The following HS1BP3 variants were observed in gnomAD, a reference collection of about 807,000 sequenced individuals.
The protein encoded by HS1BP3 is HCLS1 binding protein 3, also known as HCLS1-binding protein 3.
HS1BP3 carries 32 observed loss-of-function variants against 33.5 expected under a neutral mutation model. The observed-to-expected ratio is 0.95, with a 90% confidence interval of 0.72 to 1.28. The LOEUF is 1.28. HS1BP3 is among the 50% of genes most tolerant of loss of function. The probability of loss-of-function intolerance (pLI) is 0.00; values close to 1 mark genes in which losing one functional copy is unlikely to be tolerated. For synonymous variants in HS1BP3, 187 were observed against 209.2 expected (o/e 0.89, Z 0.92); for missense variants, 486 against 502.3 (o/e 0.97, Z 0.31).
intron 2 of HS1BP3, 95 bp from the exon 3 acceptor site, chr2:20,641,275 A>C (rs913980108): frequency 1.6e-5 from 19 of 1,163,230 alleles, no homozygotes; most frequent in Non-Finnish European, 2.2e-5. Context: ...CCAGCAGCCA[A>C]AGGAAGTGTG....
At chr2:20,649,225 C>T (rs1055878753) in intron 1 of HS1BP3, among the ~76,000 whole-genome samples, 6 of 152,208 alleles carry the variant, frequency 3.9e-5, no homozygotes, top group Non-Finnish European at 7.3e-5. Flanking sequence ...GCCTCTTCAC[C>T]GCATCACCTA....
In HS1BP3 at chr2:20,624,813, C is replaced by T. The variant is rs1440515078; in HGVS notation, c.703G>A (p.Val235Met). 1.2e-6 allele frequency: 2 copies of T among 1,613,744 alleles called. No individual in the cohort carries two copies. The highest frequency in any genetic ancestry group is 1.3e-5 in the African/African-American group (1 of 74,938). ...CCAAAGAGCCCCTCATCAGGGTCCA[C>T]CTCCTCGTCAAAGATGGTGAGCCGG... ...SPRLTIFDEE[V>M]DPDEGLFGPG... The change falls in exon 5 of 7, where the codon GTG becomes ATG. Residue 235 changes from valine (V) to methionine (M), a missense_variant. Coordinates refer to ENST00000304031, the MANE Select transcript of HS1BP3 (RefSeq NM_022460.4).
intron 1 of HS1BP3, among the ~76,000 whole-genome samples, chr2:20,647,613 G>A (rs1558353708): frequency 6.6e-6 from 1 of 152,106 alleles, no homozygotes; most frequent in Admixed American, 6.5e-5. Context: ...TAAGCCCTCC[G>A]ACGAGTCTGA....
chr2:20,567,863 A>T (rs1266366362), intron 5 of HS1BP3, among the ~76,000 whole-genome samples: 1 of 152,182 alleles, frequency 6.6e-6, no homozygotes, highest in Non-Finnish European at 1.5e-5. Flanking sequence ...AAGAAAGAGG[A>T]GATGAGTTCC....
chr2:20,590,306 C>T (rs1298006535), downstream of HS1BP3, among the ~76,000 whole-genome samples: 1 of 152,202 alleles, frequency 6.6e-6, no homozygotes, highest in African/African-American at 2.4e-5. Context: ...CACCTCTACC[C>T]AGCCTTCCAG....
downstream of HS1BP3, among the ~76,000 whole-genome samples, chr2:20,588,335 C>T (rs186030056): frequency 1.4e-4 from 22 of 152,192 alleles, no homozygotes; most frequent in South Asian, 2.5e-3. Flanking sequence ...TATTCCAAGC[C>T]GATTGTTTGC....
downstream of HS1BP3, among the ~76,000 whole-genome samples, chr2:20,615,767 T>C (rs1694410855): frequency 6.6e-6 from 1 of 152,228 alleles, no homozygotes; most frequent in African/African-American, 2.4e-5. Context: ...CGCTGGACAA[T>C]AAGGCCACAG....
chr2:20,575,557 C>T (rs11897611), intron 5 of HS1BP3, among the ~76,000 whole-genome samples: 102,239 of 152,190 alleles, frequency 0.67, 39,473 homozygotes, highest in East Asian at 0.85. Flanking sequence ...GTAGTAAGTC[C>T]CTCTTGCAGC....
chr2:20,622,643 A>C (rs753184630), intron 6 of HS1BP3: 7 of 263,370 alleles, frequency 2.7e-5, no homozygotes, highest in African/African-American at 4.4e-5. Context: ...ATTTAGAATA[A>C]ACTAGGCCAG....
At chr2:20,558,283 C>T (rs554287828), downstream of HS1BP3, among the ~76,000 whole-genome samples, 10 of 152,152 alleles carry the variant, frequency 6.6e-5, no homozygotes, top group East Asian at 5.8e-4. Flanking sequence ...TGGAAGGGGT[C>T]GCCAGATGGG....
rs548462028 is a variant in HS1BP3 at position 20,624,412 on chromosome 2, C to T, written c.784+320G>A. ...TGAGTGGAGATGTCCCAAGGCCGCTCGGTTTTCCCTCTGCCAACTCTGCAC... is the reference window on the plus strand; with the variant it reads ...TGAGTGGAGATGTCCCAAGGCCGCTTGGTTTTCCCTCTGCCAACTCTGCAC... On this transcript the variant is annotated intron_variant, in intron 5 of 6. Coordinates refer to ENST00000304031, the MANE Select transcript of HS1BP3 (RefSeq NM_022460.4). Among the ~76,000 whole-genome samples, 83 of 152,264 alleles carry T rather than the reference C, an allele frequency of 5.5e-4. No individual in the cohort carries two copies. The South Asian group carries it at 7.5e-3, about 14-fold the overall frequency.
chr2:20,645,328 C>T lies in HS1BP3; in HGVS notation c.198+12G>A, dbSNP rs199845003. On this transcript the variant is annotated intron_variant, in intron 2 of 6. Coordinates refer to ENST00000304031, the MANE Select transcript of HS1BP3 (RefSeq NM_022460.4). ...CACCCTCGAAACATCCTGGCCAGAG[C>T]CTCCGGCTCACCAAGAACTGGACGA... 48 of 1,611,776 alleles carry T rather than the reference C, an allele frequency of 3.0e-5. No homozygotes were observed. Among genetic ancestry groups the T allele is most frequent in the Non-Finnish European group, 3.8e-5 (45 of 1,179,032 alleles).
intron 4 of HS1BP3, among the ~76,000 whole-genome samples, chr2:20,626,675 C>G (rs1428164818): frequency 6.6e-6 from 1 of 152,138 alleles, no homozygotes; most frequent in Admixed American, 6.5e-5. Context: ...TCTGCCTGGT[C>G]CTGTGCTTTC....
intron 5 of HS1BP3, among the ~76,000 whole-genome samples, chr2:20,569,605 C>A (rs1162474158): frequency 6.6e-6 from 1 of 152,188 alleles, no homozygotes; most frequent in Non-Finnish European, 1.5e-5. Context: ...ACTTGGCAAC[C>A]CTTCCCCTAA....
At chr2:20,591,872 T>C (rs1219703056), downstream of HS1BP3, among the ~76,000 whole-genome samples, 1 of 152,168 alleles carries the variant, frequency 6.6e-6, no homozygotes, top group Non-Finnish European at 1.5e-5. Flanking sequence ...CCCTGTGTGA[T>C]CTTTCTGAGA....
At chr2:20,582,505 T>C (rs934961346) in intron 5 of HS1BP3, among the ~76,000 whole-genome samples, 88 of 152,030 alleles carry the variant, frequency 5.8e-4, no homozygotes, top group African/African-American at 2.0e-3. Flanking sequence ...ATGTCTGGTG[T>C]GGGGAGGAAG....
intron 1 of HS1BP3, among the ~76,000 whole-genome samples, chr2:20,650,380 C>T (rs548564959): frequency 8.5e-5 from 13 of 152,352 alleles, no homozygotes; most frequent in East Asian, 1.9e-4. Context: ...CTGGGTCCTC[C>T]AGGTCTCGAT....
chr2:20,637,949 G>A (rs111717090), intron 4 of HS1BP3: 2,103 of 179,134 alleles, frequency 0.012, 56 homozygotes, highest in African/African-American at 0.045. Context: ...GAGGAAAACC[G>A]AAGAAAAGAG....
chr2:20,604,620 C>A (rs1337172074), intron 2 of HS1BP3, among the ~76,000 whole-genome samples: 2 of 152,200 alleles, frequency 1.3e-5, no homozygotes, highest in African/African-American at 4.8e-5. Flanking sequence ...ACATTGATTA[C>A]CCTTTTTATA....
Sources: gnomAD v4.1 joint callset for allele counts (sites outside exome capture counted in the v4.1 genomes callset) on GRCh38, gnomAD v4.1.1 for gene constraint, MANE v1.5 for transcripts, NCBI Gene and HGNC (gene_info 2026-07-23, HGNC 2026-07-21) for gene names.